Variants in NCKAP5 observed in about 807,000 individuals in gnomAD.
NCKAP5 encodes nck-associated protein 5.
In NCKAP5, 92 loss-of-function variants were observed where a neutral mutation model predicts 167.0. The ratio of observed to expected loss-of-function variants is 0.55; its 90% confidence interval spans 0.47 to 0.66. The LOEUF (loss-of-function observed/expected upper bound fraction) is 0.66. Among genes scored for constraint, NCKAP5 ranks in the 30% least tolerant of loss-of-function variants. NCKAP5 has a pLI of 0.00. For missense variants in NCKAP5, 2,378 were observed against 2,315.0 expected, an observed-to-expected ratio of 1.03 and a Z score of -0.56; for synonymous variants, 891 against 877.4, an observed-to-expected ratio of 1.02 and a Z score of -0.27.
intron 16 of NCKAP5, among the ~76,000 whole-genome samples, chr2:132,750,943 C>T (rs1410213252): frequency 6.6e-6 from 1 of 152,208 alleles, no homozygotes; most frequent in African/African-American, 2.4e-5. Context: ...TGCAGCAGAA[C>T]AGAACATGCT....
In NCKAP5 at chr2:132,671,852, T is replaced by C. The variant is rs182184576; in HGVS notation, c.*1437A>G. ...AAGGAAACAAAAAGATTTTTTAAAG[T>C]CTGAAAGACAAGGACATTTTACATA... On this transcript the variant is annotated 3_prime_UTR_variant, in exon 20 of 20. Transcript: ENST00000409261. 128 of 152,744 alleles carry C rather than the reference T, an allele frequency of 8.4e-4. No homozygotes were observed. The highest frequency in any genetic ancestry group is 3.0e-3 in the African/African-American group (126 of 41,570). The allele number at this position is 152,744 out of a possible 1,614,324, so 9.5% of individuals were successfully genotyped here. A position where few individuals can be genotyped will look rare whatever the true frequency, so the allele number is the denominator to read the frequency against.
intron 11 of NCKAP5, among the ~76,000 whole-genome samples, chr2:132,834,008 G>T (rs1465106962): frequency 6.6e-6 from 1 of 152,022 alleles, no homozygotes; most frequent in Non-Finnish European, 1.5e-5. Context: ...TTTTCTACTT[G>T]TTTGTGTCAT....
chr2:133,065,037 T>C (rs554890521), intron 6 of NCKAP5, among the ~76,000 whole-genome samples: 2 of 152,332 alleles, frequency 1.3e-5, no homozygotes, highest in South Asian at 4.1e-4. Context: ...ATCAGACCCA[T>C]GAACAGAGTC....
At chr2:133,524,112 A>G (rs1366670316) in intron 2 of NCKAP5, among the ~76,000 whole-genome samples, 2 of 152,090 alleles carry the variant, frequency 1.3e-5, no homozygotes, top group Non-Finnish European at 2.9e-5. Context: ...ATAAATCAAG[A>G]TCTCTGGGGG....
intron 4 of NCKAP5, among the ~76,000 whole-genome samples, chr2:133,230,352 T>G (rs952216305): frequency 2.0e-5 from 3 of 152,184 alleles, no homozygotes; most frequent in Non-Finnish European, 4.4e-5. Context: ...TCCTACCTCC[T>G]TCTAGCGTTG....
At chr2:133,266,903 G>T (rs771571180) in intron 4 of NCKAP5, among the ~76,000 whole-genome samples, 2 of 152,298 alleles carry the variant, frequency 1.3e-5, no homozygotes, top group Non-Finnish European at 2.9e-5. Context: ...GCGCTCTGAT[G>T]AGGAGGCTGG....
chr2:133,367,004 AC>A, intron 3 of NCKAP5, among the ~76,000 whole-genome samples: 1 of 152,308 alleles, frequency 6.6e-6, no homozygotes, highest in South Asian at 2.1e-4. Flanking sequence ...TGGCTGATAA[AC>A]TTTAAGACAA....
the NCKAP5 span, among the ~76,000 whole-genome samples, chr2:133,644,745 C>T: frequency 2.2e-4 from 33 of 152,270 alleles, no homozygotes; most frequent in South Asian, 6.8e-3. Context: ...AGACAAGGTA[C>T]TATTTACAAT....
intron 19 of NCKAP5, among the ~76,000 whole-genome samples, chr2:132,709,149 C>G (rs1351598509): frequency 1.3e-5 from 2 of 151,634 alleles, no homozygotes; most frequent in African/African-American, 4.8e-5. Context: ...ATATCTACAC[C>G]CCCCCACCAA....
At chr2:133,259,806 A>G (rs2150365239) in intron 4 of NCKAP5, among the ~76,000 whole-genome samples, 1 of 152,354 alleles carries the variant, frequency 6.6e-6, no homozygotes, top group South Asian at 2.1e-4. Context: ...TAAGTGCCAA[A>G]TCAGATAATT....
intron 6 of NCKAP5, among the ~76,000 whole-genome samples, chr2:133,082,820 T>C (rs1244725013): frequency 6.6e-6 from 1 of 152,152 alleles, no homozygotes; most frequent in Non-Finnish European, 1.5e-5. Context: ...ATGCATGATA[T>C]GTGATGGTGA....
chr2:132,720,321 C>A (rs1030587502), intron 19 of NCKAP5, among the ~76,000 whole-genome samples: 2 of 152,244 alleles, frequency 1.3e-5, no homozygotes, highest in Non-Finnish European at 2.9e-5. Flanking sequence ...CTGCTCCCCC[C>A]ACTGACTCTG....
At chr2:132,833,065 T>C (rs1687631590) in intron 11 of NCKAP5, among the ~76,000 whole-genome samples, 1 of 152,152 alleles carries the variant, frequency 6.6e-6, no homozygotes, top group South Asian at 2.1e-4. Context: ...TTAATAATAG[T>C]AACTAGGGTA....
At chr2:133,109,590 G>T (rs538333524) in intron 6 of NCKAP5, among the ~76,000 whole-genome samples, 1 of 151,902 alleles carries the variant, frequency 6.6e-6, no homozygotes, top group African/African-American at 2.4e-5. Context: ...TAAAAATCTA[G>T]GTTTCATTTA....
chr2:133,596,416 T>C, the NCKAP5 span: 4 of 152,180 alleles, frequency 2.6e-5, no homozygotes, highest in Admixed American at 1.3e-4. Flanking sequence ...GTGATAAGGA[T>C]GAAGGTGCAG....
chr2:132,704,451 C>A (rs1363561597), intron 19 of NCKAP5, among the ~76,000 whole-genome samples: 1 of 152,230 alleles, frequency 6.6e-6, no homozygotes, highest in Non-Finnish European at 1.5e-5. Context: ...AATGCCAACA[C>A]AGGTGAACAC....
rs113549105 is a variant in NCKAP5, at chr2:133,346,126, G to A, written c.70-43016C>T. 3.4e-3 allele frequency among the ~76,000 whole-genome samples: 517 copies of A among 152,150 alleles called. 8 individuals carry two copies. The highest frequency in any genetic ancestry group is 0.012 in the African/African-American group (488 of 41,506). The stretch of plus-strand genomic sequence containing the variant: ...ACCACTCCACCCCACTCTAAGCAAC[G>A]TTTGCCTCTTACCTAACCATGGAGA... On this transcript the variant is annotated intron_variant, in intron 3 of 19. Transcript: ENST00000409261.
chr2:133,266,190 C>A (rs1431025026), intron 4 of NCKAP5: 1 of 152,324 alleles, frequency 6.6e-6, no homozygotes, highest in Admixed American at 6.5e-5. Context: ...CGGACCGACT[C>A]CCACAGACTG....
chr2:133,367,664 C>A (rs781275689), intron 3 of NCKAP5, among the ~76,000 whole-genome samples: 1 of 151,930 alleles, frequency 6.6e-6, no homozygotes, highest in Non-Finnish European at 1.5e-5. Context: ...TAATATAGAA[C>A]CTATATATTA....
Sources: gnomAD v4.1 joint callset for allele counts (sites outside exome capture counted in the v4.1 genomes callset) on GRCh38, gnomAD v4.1.1 for gene constraint, MANE v1.5 for transcripts, NCBI Gene and HGNC (gene_info 2026-07-23, HGNC 2026-07-21) for gene names.